Variants in FHIT observed in about 807,000 individuals in gnomAD.
FHIT encodes bis(5'-adenosyl)-triphosphatase.
Under a neutral mutation model 17.9 loss-of-function variants are expected in FHIT, and 19 were observed. That is an observed-to-expected ratio of 1.06 (90% CI 0.74 to 1.56). FHIT has a LOEUF of 1.56. Among genes scored for constraint, FHIT ranks in the 40% most tolerant of loss-of-function variants. FHIT has a pLI of 0.00. For synonymous variants in FHIT, 81 were observed against 69.7 expected, an observed-to-expected ratio of 1.16 and a Z score of -0.81; for missense variants, 248 against 189.2, an observed-to-expected ratio of 1.31 and a Z score of -1.82.
intron 2 of FHIT, among the ~76,000 whole-genome samples, chr3:61,163,668 GA>G (rs2037758325): frequency 6.6e-6 from 1 of 152,168 alleles, no homozygotes; most frequent in Admixed American, 6.5e-5. Context: ...CAGAGATAAA[GA>G]GAAAAATCTG....
chr3:60,712,086 A>C (rs1348667241), intron 4 of FHIT, among the ~76,000 whole-genome samples: 1 of 152,226 alleles, frequency 6.6e-6, no homozygotes, highest in Non-Finnish European at 1.5e-5. Flanking sequence ...CGGCAGAAAT[A>C]CTACAAGCCA....
chr3:61,073,088 T>C (rs540939816), intron 2 of FHIT, among the ~76,000 whole-genome samples: 2 of 151,948 alleles, frequency 1.3e-5, no homozygotes, highest in South Asian at 2.1e-4. Flanking sequence ...CGAGGCCTTC[T>C]AAAAAAAACA....
At chr3:60,010,616 A>C (rs1700102186) in intron 7 of FHIT, among the ~76,000 whole-genome samples, 1 of 152,178 alleles carries the variant, frequency 6.6e-6, no homozygotes, top group African/African-American at 2.4e-5. Context: ...TAGCACCAAA[A>C]ATAGAGCCTT....
chr3:59,857,373 T>TA (rs1173173258), intron 8 of FHIT, among the ~76,000 whole-genome samples: 1 of 151,992 alleles, frequency 6.6e-6, no homozygotes, highest in Non-Finnish European at 1.5e-5. Context: ...TTTTTTTTTT[T>TA]AAACATTCTG....
At chr3:59,750,101 G>GAAGTC (rs1283823851) in intron 9 of FHIT, 1 of 226,564 alleles carries the variant, frequency 4.4e-6, no homozygotes, top group East Asian at 6.4e-5. Context: ...ATGTACAAGG[G>GAAGTC]AAGTCAATTT....
intron 8 of FHIT, among the ~76,000 whole-genome samples, chr3:59,803,040 C>A (rs1037636746): frequency 6.6e-6 from 1 of 152,168 alleles, no homozygotes; most frequent in African/African-American, 2.4e-5. Context: ...ATCCCCAGCG[C>A]TGCCTAGCTG....
chr3:61,089,289 A>C (rs2035403632), intron 2 of FHIT, among the ~76,000 whole-genome samples: 1 of 152,188 alleles, frequency 6.6e-6, no homozygotes, highest in South Asian at 2.1e-4. Flanking sequence ...TTGTGGCATT[A>C]AGTACATTCA....
At chr3:60,103,156 C>T (rs754232466) in intron 5 of FHIT, among the ~76,000 whole-genome samples, 5 of 152,148 alleles carry the variant, frequency 3.3e-5, no homozygotes, top group Non-Finnish European at 5.9e-5. Flanking sequence ...CTCAGTTTTA[C>T]CCCCTACCAC....
intron 5 of FHIT, among the ~76,000 whole-genome samples, chr3:60,383,724 G>A (rs1180563619): frequency 6.6e-6 from 1 of 151,980 alleles, no homozygotes; most frequent in Non-Finnish European, 1.5e-5. Context: ...ACCATTTAGA[G>A]AGTTAGGAGG....
At chr3:60,377,815 A>G (rs968457461) in intron 5 of FHIT, among the ~76,000 whole-genome samples, 8 of 152,050 alleles carry the variant, frequency 5.3e-5, no homozygotes, top group Non-Finnish European at 1.2e-4. Flanking sequence ...TCCTAGTGAG[A>G]GCCTTTCTTT....
At chr3:60,077,584 C>T (rs1222154855) in intron 5 of FHIT, 1 of 150,562 alleles carries the variant, frequency 6.6e-6, no homozygotes, top group Non-Finnish European at 1.5e-5. Flanking sequence ...AACACATGAA[C>T]CAGAATGAAG....
chr3:60,749,671 A>T (rs1190245114), intron 4 of FHIT, among the ~76,000 whole-genome samples: 1 of 152,242 alleles, frequency 6.6e-6, no homozygotes, highest in Non-Finnish European at 1.5e-5. Flanking sequence ...TGAATAAGAC[A>T]CAGCAGGAAA....
Position 60,955,618 on chromosome 3 carries a change from A to ACACATATATATATACG in FHIT, c.-111+86428_-111+86429insCGTATATATATATGTG, listed in dbSNP as rs1559862381. Reference sequence around the variant, plus strand: ...TATACATATATATATATATATATATATATATATATATATATACACACACAC... The same window carrying ACACATATATATATACG: ...TATACATATATATATATATATATATACACATATATATATACGTATATATATATATATACACACACAC... On this transcript the variant is annotated intron_variant, in intron 3 of 9. Coordinates refer to ENST00000492590, the MANE Select transcript of FHIT (RefSeq NM_002012.4). Among the ~76,000 whole-genome samples, 7 of 14,574 alleles carry ACACATATATATATACG rather than the reference A, an allele frequency of 4.8e-4. 1 individual carries two copies. Among genetic ancestry groups the ACACATATATATATACG allele is most frequent in the Non-Finnish European group, 2.1e-4 (1 of 4,656 alleles). The allele number at this position is 14,574 out of a possible 152,430, so 9.6% of individuals were successfully genotyped here.
At chr3:59,925,777 T>C (rs1455417670) in intron 7 of FHIT, among the ~76,000 whole-genome samples, 1 of 152,166 alleles carries the variant, frequency 6.6e-6, no homozygotes, top group East Asian at 1.9e-4. Flanking sequence ...AATTCTTAAG[T>C]GACAGGCTGA....
At chr3:59,985,994 G>A (rs552485015) in intron 7 of FHIT, among the ~76,000 whole-genome samples, 1 of 152,152 alleles carries the variant, frequency 6.6e-6, no homozygotes, top group African/African-American at 2.4e-5. Flanking sequence ...GAAAGGATGG[G>A]GGAAGGAATG....
chr3:60,767,895 GC>G (rs1290957491), intron 4 of FHIT, among the ~76,000 whole-genome samples: 1 of 152,218 alleles, frequency 6.6e-6, no homozygotes, highest in East Asian at 1.9e-4. Context: ...GCACTCAGCA[GC>G]AGCTGTCTGT....
chr3:60,700,583 T>C (rs2041223403), intron 4 of FHIT, among the ~76,000 whole-genome samples: 1 of 152,178 alleles, frequency 6.6e-6, no homozygotes, highest in Non-Finnish European at 1.5e-5. Flanking sequence ...CATCTTTAAA[T>C]ATACATTTTC....
intron 4 of FHIT, among the ~76,000 whole-genome samples, chr3:60,595,863 C>T (rs868957858): frequency 1.3e-5 from 2 of 151,882 alleles, no homozygotes; most frequent in Non-Finnish European, 2.9e-5. Context: ...GTCTTGAACT[C>T]CTGGCCTTAA....
chr3:60,714,687 G>A (rs1302747589), intron 4 of FHIT, among the ~76,000 whole-genome samples: 6 of 152,164 alleles, frequency 3.9e-5, no homozygotes, highest in Non-Finnish European at 7.3e-5. Flanking sequence ...ATTCACAACT[G>A]CTTCAAAGAG....
Sources: gnomAD v4.1 joint callset for allele counts (sites outside exome capture counted in the v4.1 genomes callset) on GRCh38, gnomAD v4.1.1 for gene constraint, MANE v1.5 for transcripts, NCBI Gene and HGNC (gene_info 2026-07-23, HGNC 2026-07-21) for gene names.